WWOX: variants seen among roughly 807,000 people sequenced by gnomAD.
WWOX encodes WW domain containing oxidoreductase, also known as WW domain-containing oxidoreductase.
Under a neutral mutation model 46.2 loss-of-function variants are expected in WWOX, and 69 were observed. The ratio of observed to expected loss-of-function variants is 1.49; its 90% CI spans 1.23 to 1.82. The LOEUF (loss-of-function observed/expected upper bound fraction) is 1.82, where lower values mean the gene tolerates loss of function less well. Among genes scored for constraint, WWOX ranks in the 40% most tolerant of loss-of-function variants. The pLI is 0.00. For synonymous variants in WWOX, 359 were observed against 202.6 expected, an observed-to-expected ratio of 1.77 and a Z score of -6.56; for missense variants, 919 against 542.6, an observed-to-expected ratio of 1.69 and a Z score of -6.89.
chr16:78,511,125 C>A (rs2085350092), intron 8 of WWOX, among the ~76,000 whole-genome samples: 1 of 152,156 alleles, frequency 6.6e-6, no homozygotes, highest in African/African-American at 2.4e-5. Context: ...GCAGGTCCTC[C>A]CCTTTCTGAT....
intron 8 of WWOX, among the ~76,000 whole-genome samples, chr16:78,829,477 C>A (rs575565601): frequency 6.6e-6 from 1 of 152,198 alleles, no homozygotes; most frequent in South Asian, 2.1e-4. Flanking sequence ...TAGAATCACC[C>A]TCACAGACAC....
Position 78,613,466 on chromosome 16 carries a change from A to G in WWOX, c.1056+180714A>G, listed in dbSNP as rs187785210. Among the ~76,000 whole-genome samples, 406 of 152,252 alleles carry G rather than the reference A, an allele frequency of 2.7e-3. 2 individuals are homozygous for G. The highest frequency in any genetic ancestry group is 9.2e-3 in the African/African-American group (383 of 41,556). ...CATCTGGGAAACCTACCTCTGGCAGAATCGCTGTCCTGCCAGTTTCCTCTC... is the reference window on the plus strand; with the variant it reads ...CATCTGGGAAACCTACCTCTGGCAGGATCGCTGTCCTGCCAGTTTCCTCTC... On this transcript the variant is annotated intron_variant, in intron 8 of 8. Coordinates refer to ENST00000566780, the MANE Select transcript of WWOX (RefSeq NM_016373.4).
intron 8 of WWOX, among the ~76,000 whole-genome samples, chr16:78,683,056 C>T (rs1042802785): frequency 2.6e-5 from 4 of 152,106 alleles, no homozygotes; most frequent in African/African-American, 9.7e-5. Flanking sequence ...TAGGAAGGAT[C>T]GTCATTTAGA....
At chr16:78,640,216 T>G (rs2046670487) in intron 8 of WWOX, among the ~76,000 whole-genome samples, 1 of 148,946 alleles carries the variant, frequency 6.7e-6, no homozygotes, top group Non-Finnish European at 1.5e-5. Flanking sequence ...TGTTTTCTTC[T>G]TGTTGTTGGG....
rs558182685 is a variant in WWOX, at chr16:78,259,445, G to T, written c.516+95156G>T. On this transcript the variant is annotated intron_variant, in intron 5 of 8. Transcript: ENST00000566780. ...GGGTTCAAGCAATTCTCCTGCCTCAGTCTGCCGACTAGCTGGGACTACAGG... is the reference window on the plus strand; with the variant it reads ...GGGTTCAAGCAATTCTCCTGCCTCATTCTGCCGACTAGCTGGGACTACAGG... Among the ~76,000 whole-genome samples, 23 of 151,978 alleles carry T rather than the reference G, an allele frequency of 1.5e-4. No individual in the cohort carries two copies. In the East Asian group the frequency reaches 2.5e-3, roughly 17 times the overall value.
In WWOX at chr16:78,104,231, A is replaced by AACACACACACACAC. The variant is rs376622174; in HGVS notation, c.108-4165_108-4152dup. 7.8e-3 allele frequency among the ~76,000 whole-genome samples: 1,010 copies of AACACACACACACAC among 130,186 alleles called. 8 individuals are homozygous for AACACACACACACAC. Among genetic ancestry groups the AACACACACACACAC allele is most frequent in the African/African-American group, 0.016 (547 of 34,048 alleles). The allele number at this position is 130,186 out of a possible 152,430, so 85.4% of individuals were successfully genotyped here. ...CCCTGCTAACTTACACTGTGCTCAAAACACACACACACACACACACACACA... is the reference window on the plus strand; with the variant it reads ...CCCTGCTAACTTACACTGTGCTCAAAACACACACACACACACACACACACACACACACACACACA... On this transcript the variant is annotated intron_variant, in intron 1 of 8. Coordinates refer to ENST00000566780, the MANE Select transcript of WWOX (RefSeq NM_016373.4).
intron 8 of WWOX, among the ~76,000 whole-genome samples, chr16:78,642,417 C>G (rs1050596687): frequency 6.6e-6 from 1 of 152,180 alleles, no homozygotes; most frequent in African/African-American, 2.4e-5. Flanking sequence ...TTGCTTCTTT[C>G]TCTTTGGGCT....
In WWOX at chr16:79,211,716, C is replaced by T. The variant is rs1484856529; in HGVS notation, c.1165C>T (p.Gln389Ter). The T allele has an allele frequency of 2.5e-6, 4 of 1,614,118 alleles. No individual in the cohort carries two copies. Among genetic ancestry groups the T allele is most frequent in the Non-Finnish European group, 3.4e-6 (4 of 1,180,052 alleles). ...CCGCTGCATGCCCTCACCAGAAGCTCAGAGCGAAGAGACGGCCCGGACCCT... is the reference window on the plus strand; with the variant it reads ...CCGCTGCATGCCCTCACCAGAAGCTTAGAGCGAAGAGACGGCCCGGACCCT... ...CCRCMPSPEAQSEETARTLWA... is the reference protein window; with the variant it reads ...CCRCMPSPEA The change falls in exon 9 of 9, where the codon CAG (glutamine) becomes TAG (stop). Residue 389 changes from glutamine to a stop codon, truncating the protein, a stop_gained. Transcript: ENST00000566780. LOFTEE classifies it high-confidence loss of function.
chr16:78,963,116 C>G (rs772918944), intron 8 of WWOX, among the ~76,000 whole-genome samples: 3 of 152,152 alleles, frequency 2.0e-5, no homozygotes, highest in Non-Finnish European at 2.9e-5. Context: ...CCTCTATTTG[C>G]ATCTCTATCC....
chr16:78,646,589 G>T (rs937078496), intron 8 of WWOX, among the ~76,000 whole-genome samples: 3 of 151,972 alleles, frequency 2.0e-5, no homozygotes, highest in Non-Finnish European at 4.4e-5. Context: ...CACTACTCCC[G>T]GCTAATTTTT....
chr16:78,993,729 G>A (rs1393981473), intron 8 of WWOX, among the ~76,000 whole-genome samples: 1 of 152,198 alleles, frequency 6.6e-6, no homozygotes, highest in African/African-American at 2.4e-5. Context: ...AATCTGCCTG[G>A]TGCTAATATT....
chr16:79,174,608 A>G (rs1162142713), intron 8 of WWOX, among the ~76,000 whole-genome samples: 1 of 152,194 alleles, frequency 6.6e-6, no homozygotes, highest in African/African-American at 2.4e-5. Context: ...AGATCGCACC[A>G]TTGCACTCCA....
intron 8 of WWOX, among the ~76,000 whole-genome samples, chr16:79,022,647 C>G (rs1307658549): frequency 1.3e-5 from 2 of 152,114 alleles, no homozygotes. Context: ...TTGTGGCATT[C>G]ATGTAATTGG....
chr16:78,380,270 G>T (rs2081925823), intron 5 of WWOX, among the ~76,000 whole-genome samples: 1 of 152,168 alleles, frequency 6.6e-6, no homozygotes, highest in Non-Finnish European at 1.5e-5. Flanking sequence ...GGACATAATG[G>T]AATATGGAAT....
At chr16:78,441,210 C>T (rs1196111803) in intron 8 of WWOX, among the ~76,000 whole-genome samples, 1 of 152,180 alleles carries the variant, frequency 6.6e-6, no homozygotes, top group Non-Finnish European at 1.5e-5. Flanking sequence ...ATGTGAGCCA[C>T]TGCACCCAGC....
intron 8 of WWOX, among the ~76,000 whole-genome samples, chr16:79,152,528 G>GGGC (rs1345013276): frequency 1.3e-5 from 2 of 152,076 alleles, no homozygotes; most frequent in African/African-American, 4.8e-5. Flanking sequence ...AAAATTAGCT[G>GGGC]GGCGTGGTGG....
intron 8 of WWOX, among the ~76,000 whole-genome samples, chr16:78,889,744 A>G (rs1034015276): frequency 1.1e-4 from 16 of 152,140 alleles, no homozygotes; most frequent in Non-Finnish European, 2.4e-4. Flanking sequence ...AACTTGTGCG[A>G]TATAGTTCCC....
At chr16:78,277,671 G>A (rs534470579) in intron 5 of WWOX, among the ~76,000 whole-genome samples, 14 of 152,276 alleles carry the variant, frequency 9.2e-5, no homozygotes, top group African/African-American at 3.1e-4. Context: ...CAGGGACAGC[G>A]TGTAGGGTTT....
At chr16:78,241,120 A>G (rs2151819080) in intron 5 of WWOX, 1 of 152,348 alleles carries the variant, frequency 6.6e-6, no homozygotes, top group East Asian at 1.9e-4. Flanking sequence ...AGCCAGCAGT[A>G]CCCCCATTGT....
Sources: allele counts gnomAD v4.1 joint callset (sites outside exome capture counted in the v4.1 genomes callset), GRCh38; gene constraint gnomAD v4.1.1; transcripts MANE v1.5; gene names NCBI Gene and HGNC (gene_info 2026-07-23, HGNC 2026-07-21).